Variants in ABCB1 observed in about 807,000 individuals in gnomAD.
The protein encoded by ABCB1 is ATP-dependent translocase ABCB1.
In ABCB1, 69 loss-of-function variants were observed where a neutral mutation model predicts 142.0. That is an observed-to-expected ratio of 0.49 (90% CI 0.40 to 0.59). The LOEUF is 0.59. Ranked by LOEUF, ABCB1 falls within the 20% of genes least tolerant of loss-of-function variation. The probability of loss-of-function intolerance (pLI) is 0.00; values close to 1 mark genes in which losing one functional copy is unlikely to be tolerated. For synonymous variants in ABCB1, 532 were observed against 539.2 expected (o/e 0.99, Z 0.18); for missense variants, 1,326 against 1,554.7 (o/e 0.85, Z 2.47).
chr7:87,609,107 A>G (rs1038062022), intron 1 of ABCB1, among the ~76,000 whole-genome samples: 22 of 152,180 alleles, frequency 1.4e-4, no homozygotes, highest in African/African-American at 5.1e-4. Context: ...GTGATTTTGT[A>G]TGTTAAAAAG....
At chr7:87,558,517 G>A (rs923546691) in intron 8 of ABCB1, among the ~76,000 whole-genome samples, 33 of 150,994 alleles carry the variant, frequency 2.2e-4, no homozygotes, top group South Asian at 2.1e-4. Context: ...TTTCTTTTTC[G>A]TTTTCTTTTT....
At chr7:87,547,256 G>A (rs1816823420) in intron 14 of ABCB1, among the ~76,000 whole-genome samples, 1 of 152,010 alleles carries the variant, frequency 6.6e-6, no homozygotes, top group East Asian at 1.9e-4. Context: ...AAAATTAGGT[G>A]GTAGAAACTA....
intron 21 of ABCB1, chr7:87,521,806 A>T: frequency 1.3e-6 from 1 of 781,326 alleles, no homozygotes; most frequent in Non-Finnish European, 2.3e-6. Flanking sequence ...CATTAAAGAC[A>T]CTGAAGAACA....
intron 8 of ABCB1, among the ~76,000 whole-genome samples, 191 bp from the exon 9 acceptor site, chr7:87,554,123 T>C (rs528714727): frequency 3.8e-4 from 58 of 152,332 alleles, no homozygotes; most frequent in Admixed American, 2.7e-3. Context: ...CTGACATTTA[T>C]AGAGATTAAC....
intron 24 of ABCB1, 26 bp downstream of exon 24, chr7:87,516,483 T>C (rs1445355648): frequency 3.7e-6 from 6 of 1,614,068 alleles, no homozygotes; most frequent in Non-Finnish European, 5.1e-6. Context: ...CAGGAGTAGA[T>C]CAAACAGTTG....
chr7:87,511,399 A>G (rs1343537968), intron 25 of ABCB1, among the ~76,000 whole-genome samples: 1 of 152,210 alleles, frequency 6.6e-6, no homozygotes, highest in Non-Finnish European at 1.5e-5. Context: ...ATGATTGGCT[A>G]TCTCTATTGT....
At chr7:87,532,803 G>C (rs966501648) in intron 20 of ABCB1, among the ~76,000 whole-genome samples, 1 of 151,990 alleles carries the variant, frequency 6.6e-6, no homozygotes, top group African/African-American at 2.4e-5. Flanking sequence ...CTGTGGATTC[G>C]CCTTGAATTC....
intron 1 of ABCB1, among the ~76,000 whole-genome samples, chr7:87,703,630 G>C (rs1341197927): frequency 2.0e-5 from 3 of 151,742 alleles, no homozygotes; most frequent in Non-Finnish European, 4.4e-5. Context: ...ATTTAAGCCA[G>C]TAAATTTCTT....
At chr7:87,632,267 T>G (rs923187096) in intron 1 of ABCB1, among the ~76,000 whole-genome samples, 2 of 152,242 alleles carry the variant, frequency 1.3e-5, no homozygotes, top group African/African-American at 4.8e-5. Context: ...TGTTTAAAGC[T>G]TTATTCAAGT....
chr7:87,564,642 A>G (rs1163042630), intron 7 of ABCB1, among the ~76,000 whole-genome samples: 1 of 152,202 alleles, frequency 6.6e-6, no homozygotes, highest in African/African-American at 2.4e-5. Flanking sequence ...AGAGTGAACT[A>G]CATTTCTTTT....
chr7:87,693,846 G>A (rs1828235464), intron 1 of ABCB1: 2 of 1,547,600 alleles, frequency 1.3e-6, no homozygotes, highest in Non-Finnish European at 1.8e-6. Context: ...GTTTGGAACT[G>A]TAAACATGAT....
At chr7:87,549,327 T>C in intron 14 of ABCB1, 21 bp downstream of exon 14, 1 of 1,614,186 alleles carries the variant, frequency 6.2e-7, no homozygotes, top group Non-Finnish European at 8.5e-7. Context: ...ATCAGGTTGG[T>C]TTGAACTAAG....
chr7:87,522,236 T>C, intron 21 of ABCB1: 11 of 1,111,160 alleles, frequency 9.9e-6, no homozygotes, highest in Non-Finnish European at 1.5e-5. Context: ...GGTGGTGTAA[T>C]GATTTTGGCA....
chr7:87,704,619 A>G (rs1311361922), intron 1 of ABCB1, among the ~76,000 whole-genome samples: 1 of 152,232 alleles, frequency 6.6e-6, no homozygotes, highest in East Asian at 1.9e-4. Context: ...GAGAGTTAAT[A>G]TTTATTCTGT....
At chr7:87,584,546 G>C (rs1324823308) in intron 4 of ABCB1, among the ~76,000 whole-genome samples, 1 of 152,122 alleles carries the variant, frequency 6.6e-6, no homozygotes, top group Non-Finnish European at 1.5e-5. Context: ...GAGAAAGAGA[G>C]AGAGAGAGGG....
chr7:87,545,860 T>C lies in ABCB1; in HGVS notation c.1887+3A>G, dbSNP rs1816757534. 1 of 1,613,900 alleles carries C rather than the reference T, an allele frequency of 6.2e-7. No homozygotes were observed. Among genetic ancestry groups the C allele is most frequent in the African/African-American group, 1.3e-5 (1 of 74,942 alleles). On this transcript the variant is annotated splice_donor_region_variant and intron_variant, in intron 15 of 27. Coordinates refer to ENST00000622132, the MANE Select transcript of ABCB1 (RefSeq NM_001348946.2). ...TTAGGAAAATTCTGAAGTTAAACTA[T>C]ACCTGCATTGTGACAAGTTTGAAGT...
intron 3 of ABCB1, among the ~76,000 whole-genome samples, chr7:87,593,230 A>C (rs1042067745): frequency 6.6e-6 from 1 of 152,160 alleles, no homozygotes; most frequent in Non-Finnish European, 1.5e-5. Flanking sequence ...CCTGACCAAG[A>C]GTGTATAATC....
chr7:87,568,873 T>G (rs113282833), intron 5 of ABCB1, among the ~76,000 whole-genome samples: 11 of 152,182 alleles, frequency 7.2e-5, no homozygotes, highest in African/African-American at 2.4e-4. Flanking sequence ...ACTCATGCTT[T>G]GAGAATAAGT....
At chr7:87,553,317 CTTTTT>C (rs941637830) in intron 9 of ABCB1, among the ~76,000 whole-genome samples, 2 of 112,666 alleles carry the variant, frequency 1.8e-5, no homozygotes, top group South Asian at 5.4e-4. Flanking sequence ...TTTTTTTCCA[CTTTTT>C]TTTTTTTTTT....
Sources: gnomAD v4.1 joint callset for allele counts (sites outside exome capture counted in the v4.1 genomes callset) on GRCh38, gnomAD v4.1.1 for gene constraint, MANE v1.5 for transcripts, NCBI Gene and HGNC (gene_info 2026-07-23, HGNC 2026-07-21) for gene names.